The following CIMIP6 variants were observed in gnomAD, a reference collection of about 807,000 sequenced individuals.
CIMIP6 encodes uncharacterized protein C2orf73.
chr2:54,360,471 A>G, the CIMIP6 span: 8 of 1,579,592 alleles, frequency 5.1e-6, no homozygotes, highest in Non-Finnish European at 6.9e-6. Context: ...GAGAGCAGAG[A>G]AAAGACCTCA....
At chr2:54,360,148 A>G in the CIMIP6 span, 1 of 1,472,024 alleles carries the variant, frequency 6.8e-7, no homozygotes, top group Non-Finnish European at 9.0e-7. Flanking sequence ...TCACAGCTGC[A>G]TCTTCCAGCA....
chr2:54,368,547 C>G, the CIMIP6 span, among the ~76,000 whole-genome samples: 2 of 152,202 alleles, frequency 1.3e-5, no homozygotes, highest in African/African-American at 4.8e-5. Context: ...CTTCTAAGAC[C>G]TTGGAATGTC....
At chr2:54,344,093 G>C in the CIMIP6 span, among the ~76,000 whole-genome samples, 1 of 152,080 alleles carries the variant, frequency 6.6e-6, no homozygotes, top group African/African-American at 2.4e-5. Flanking sequence ...AAATTGTATT[G>C]ATCATTAATA....
At chr2:54,357,794 C>T in the CIMIP6 span, among the ~76,000 whole-genome samples, 1 of 150,570 alleles carries the variant, frequency 6.6e-6, no homozygotes, top group African/African-American at 2.4e-5. Flanking sequence ...ACCATGTTGG[C>T]CAGGATGGTC....
At chr2:54,359,872 C>G in the CIMIP6 span, among the ~76,000 whole-genome samples, 1 of 152,074 alleles carries the variant, frequency 6.6e-6, no homozygotes, top group Non-Finnish European at 1.5e-5. Flanking sequence ...GTATCCATAG[C>G]AATCTTTAGA....
the CIMIP6 span, among the ~76,000 whole-genome samples, chr2:54,334,179 A>G: frequency 6.6e-6 from 1 of 152,232 alleles, no homozygotes; most frequent in African/African-American, 2.4e-5. Flanking sequence ...ATTTGAAAGG[A>G]GAAAAATCTG....
chr2:54,341,151 A>C, the CIMIP6 span, among the ~76,000 whole-genome samples: 1 of 152,154 alleles, frequency 6.6e-6, no homozygotes, highest in Admixed American at 6.5e-5. Flanking sequence ...CTTTCTCAGA[A>C]TATTTACTGC....
At chr2:54,380,146 AAAAAT>A in the CIMIP6 span, among the ~76,000 whole-genome samples, 1 of 152,120 alleles carries the variant, frequency 6.6e-6, no homozygotes, top group African/African-American at 2.4e-5. Context: ...CCCATCTCAA[AAAAAT>A]AAAATAAAAA....
At chr2:54,335,092 G>T in the CIMIP6 span, 1 of 1,271,430 alleles carries the variant, frequency 7.9e-7, no homozygotes, top group African/African-American at 1.5e-5. Flanking sequence ...GAATAATTTG[G>T]TCACAGACTA....
At chr2:54,373,474 T>C in the CIMIP6 span, among the ~76,000 whole-genome samples, 2 of 152,130 alleles carry the variant, frequency 1.3e-5, no homozygotes, top group African/African-American at 4.8e-5. Context: ...CTGGTTTGTG[T>C]GTCGCTTTTG....
At chr2:54,382,132 A>T in the CIMIP6 span, 31 of 1,082,260 alleles carry the variant, frequency 2.9e-5, no homozygotes, top group East Asian at 9.0e-4. Flanking sequence ...GTGAACAATG[A>T]AAGACAACAA....
chr2:54,347,610 G>C, the CIMIP6 span, among the ~76,000 whole-genome samples: 1 of 152,082 alleles, frequency 6.6e-6, no homozygotes, highest in Non-Finnish European at 1.5e-5. Context: ...GCTTTTTCTG[G>C]GTTCATAAGG....
chr2:54,373,724 C>A, the CIMIP6 span, among the ~76,000 whole-genome samples: 2 of 152,146 alleles, frequency 1.3e-5, no homozygotes, highest in Non-Finnish European at 2.9e-5. Flanking sequence ...CAGTGACCTC[C>A]ACCTATGTCC....
chr2:54,359,033 TATG>T, the CIMIP6 span: 1 of 1,552,856 alleles, frequency 6.4e-7, no homozygotes, highest in Non-Finnish European at 8.7e-7. Flanking sequence ...TATACATCAA[TATG>T]ATGCCAGAAA....
At chr2:54,361,568 G>A in the CIMIP6 span, 1 of 152,144 alleles carries the variant, frequency 6.6e-6, no homozygotes, top group Non-Finnish European at 1.5e-5. Context: ...AAGAAATTGT[G>A]ATAAACTGCA....
chr2:54,346,143 C>T, the CIMIP6 span, among the ~76,000 whole-genome samples: 1 of 152,114 alleles, frequency 6.6e-6, no homozygotes, highest in Admixed American at 6.5e-5. Context: ...TAATACTATG[C>T]ATGCTGTTTA....
chr2:54,344,706 A>G, the CIMIP6 span, among the ~76,000 whole-genome samples: 1 of 85,664 alleles, frequency 1.2e-5, no homozygotes, highest in African/African-American at 4.2e-5. Context: ...TCGGTAAATC[A>G]AGCTGATCCC....
chr2:54,337,733 ATAGTAG>A, the CIMIP6 span, among the ~76,000 whole-genome samples: 2 of 152,234 alleles, frequency 1.3e-5, no homozygotes, highest in Non-Finnish European at 2.9e-5. Context: ...AGGTGACAGA[ATAGTAG>A]TAGAATCATT....
the CIMIP6 span, among the ~76,000 whole-genome samples, chr2:54,349,838 G>A: frequency 6.6e-6 from 1 of 150,636 alleles, no homozygotes; most frequent in East Asian, 1.9e-4. Context: ...TTTCCGTGAT[G>A]AAAAAGAAAT....
Sources: gnomAD v4.1 joint callset for allele counts (sites outside exome capture counted in the v4.1 genomes callset) on GRCh38, gnomAD v4.1.1 for gene constraint, MANE v1.5 for transcripts, NCBI Gene and HGNC (gene_info 2026-07-23, HGNC 2026-07-21) for gene names.